The following GPHN variants were observed in gnomAD, a reference collection of about 807,000 sequenced individuals.
The protein encoded by GPHN is gephyrin.
A neutral mutation model predicts 95.5 loss-of-function variants in GPHN; 17 were observed. The ratio of observed to expected loss-of-function variants is 0.18; its 90% CI spans 0.12 to 0.27. The LOEUF is 0.27. Ranked by LOEUF, GPHN falls within the 10% of genes least tolerant of loss-of-function variation. The pLI, the probability that GPHN is intolerant of heterozygous loss-of-function variation, is 1.00. For missense variants in GPHN, 660 were observed against 978.1 expected, an observed-to-expected ratio of 0.67 and a Z score of 4.34; for synonymous variants, 320 against 322.5, an observed-to-expected ratio of 0.99 and a Z score of 0.08.
chr14:66,743,680 T>G (rs569068805), intron 2 of GPHN, among the ~76,000 whole-genome samples: 89 of 152,268 alleles, frequency 5.8e-4, no homozygotes, highest in Admixed American at 3.8e-3. Flanking sequence ...AGGCGGTGCT[T>G]GCAGTGAGCG....
the GPHN span, chr14:67,575,590 A>C: frequency 2.6e-6 from 2 of 772,992 alleles, no homozygotes; most frequent in East Asian, 2.7e-5. Flanking sequence ...ATACAAAATC[A>C]GTTGGCTGGA....
chr14:67,099,903 A>C (rs2077601409), intron 12 of GPHN, among the ~76,000 whole-genome samples: 1 of 152,144 alleles, frequency 6.6e-6, no homozygotes, highest in Non-Finnish European at 1.5e-5. Flanking sequence ...TGCAGATAAC[A>C]TGAAGGTAAT....
intron 9 of GPHN, among the ~76,000 whole-genome samples, chr14:67,000,065 T>C (rs1309869275): frequency 6.6e-6 from 1 of 151,756 alleles, no homozygotes; most frequent in Admixed American, 6.6e-5. Context: ...GGACTGAAAA[T>C]TGTGTTTTTA....
the GPHN span, among the ~76,000 whole-genome samples, chr14:67,657,598 G>A: frequency 3.9e-4 from 44 of 112,424 alleles, no homozygotes; most frequent in East Asian, 9.0e-3. Flanking sequence ...GCGCGCGCGT[G>A]CACACACACA....
At chr14:67,497,138 T>G in the GPHN span, among the ~76,000 whole-genome samples, 2 of 151,916 alleles carry the variant, frequency 1.3e-5, no homozygotes, top group Non-Finnish European at 2.9e-5. Flanking sequence ...GATGTTTAAA[T>G]GGTAAGGAGA....
the GPHN span, among the ~76,000 whole-genome samples, chr14:67,362,239 C>T: frequency 6.6e-6 from 1 of 151,810 alleles, no homozygotes; most frequent in Admixed American, 6.6e-5. Flanking sequence ...AGGCTGGCCT[C>T]GAACTCCTGG....
At chr14:67,213,209 A>G in the GPHN span, among the ~76,000 whole-genome samples, 1 of 150,364 alleles carries the variant, frequency 6.7e-6, no homozygotes, top group Non-Finnish European at 1.5e-5. Context: ...ACATGTGCAC[A>G]ATGTGCAGGT....
At chr14:66,589,135 G>T (rs2061539006) in intron 1 of GPHN, among the ~76,000 whole-genome samples, 1 of 152,122 alleles carries the variant, frequency 6.6e-6, no homozygotes, top group African/African-American at 2.4e-5. Flanking sequence ...GCCAAATTAA[G>T]CTTCATAAGC....
chr14:67,030,312 A>G (rs565890883), intron 10 of GPHN, among the ~76,000 whole-genome samples: 2 of 152,304 alleles, frequency 1.3e-5, no homozygotes, highest in African/African-American at 4.8e-5. Flanking sequence ...CAAACCAGAA[A>G]TCTTTAGTGT....
At chr14:67,345,803 C>T in the GPHN span, 1 of 1,614,138 alleles carries the variant, frequency 6.2e-7, no homozygotes, top group Non-Finnish European at 8.5e-7. Context: ...AGTTCCACTG[C>T]TTTGGCATAA....
chr14:67,204,425 G>C, the GPHN span: 1 of 1,373,604 alleles, frequency 7.3e-7, no homozygotes, highest in East Asian at 2.6e-5. Context: ...GTGGGCAACA[G>C]AGTGAGAACT....
chr14:66,698,015 C>T (rs1180054767), intron 2 of GPHN, among the ~76,000 whole-genome samples: 1 of 152,020 alleles, frequency 6.6e-6, no homozygotes, highest in Non-Finnish European at 1.5e-5. Flanking sequence ...ATAATATTTT[C>T]ATCTTATGAA....
At chr14:66,847,159 C>T (rs1264829454) in intron 4 of GPHN, among the ~76,000 whole-genome samples, 1 of 151,974 alleles carries the variant, frequency 6.6e-6, no homozygotes, top group African/African-American at 2.4e-5. Context: ...AATTTCTTAC[C>T]AAACTTTATT....
At chr14:67,604,008 T>C in the GPHN span, among the ~76,000 whole-genome samples, 1 of 152,050 alleles carries the variant, frequency 6.6e-6, no homozygotes. Flanking sequence ...TTTTGTTTTT[T>C]TTTTGAGACA....
the GPHN span, among the ~76,000 whole-genome samples, chr14:67,559,196 AT>A: frequency 6.6e-6 from 1 of 151,558 alleles, no homozygotes; most frequent in Admixed American, 6.6e-5. Flanking sequence ...ATTTTGCCTT[AT>A]TTTTTTGTTT....
At chr14:67,354,518 G>C in the GPHN span, among the ~76,000 whole-genome samples, 2 of 152,026 alleles carry the variant, frequency 1.3e-5, no homozygotes, top group African/African-American at 4.8e-5. Flanking sequence ...TTAAAAGATG[G>C]GTACTCCAGC....
the GPHN span, among the ~76,000 whole-genome samples, chr14:67,326,800 C>G: frequency 6.6e-6 from 1 of 152,340 alleles, no homozygotes; most frequent in South Asian, 2.1e-4. Flanking sequence ...AACAGCAGTT[C>G]ATTCCCTCTT....
the GPHN span, among the ~76,000 whole-genome samples, chr14:67,262,785 G>A: frequency 1.3e-5 from 2 of 152,028 alleles, no homozygotes; most frequent in South Asian, 2.1e-4. Context: ...TATCTCTTAC[G>A]GTGGCTCTGT....
chr14:66,682,839 A>G (rs1216293047), intron 2 of GPHN, among the ~76,000 whole-genome samples: 1 of 152,170 alleles, frequency 6.6e-6, no homozygotes, highest in Non-Finnish European at 1.5e-5. Context: ...TGATGAAAAT[A>G]TTTGCTCATA....
Sources: gnomAD v4.1 joint callset for allele counts (sites outside exome capture counted in the v4.1 genomes callset) on GRCh38, gnomAD v4.1.1 for gene constraint, MANE v1.5 for transcripts, NCBI Gene and HGNC (gene_info 2026-07-23, HGNC 2026-07-21) for gene names.